Variants in GRM5 observed in about 807,000 individuals in gnomAD.
The protein encoded by GRM5 is glutamate metabotropic receptor 5.
Under a neutral mutation model 83.1 loss-of-function variants are expected in GRM5, and 19 were observed. That is an observed-to-expected ratio of 0.23 (90% CI 0.16 to 0.34). The LOEUF (loss-of-function observed/expected upper bound fraction) is 0.34. GRM5 is among the 10% of genes least tolerant of loss of function. The probability of loss-of-function intolerance (pLI) is 1.00; values close to 1 mark genes in which losing one functional copy is unlikely to be tolerated. For missense variants in GRM5, 1,160 were observed against 1,588.3 expected, an observed-to-expected ratio of 0.73 and a Z score of 4.58; for synonymous variants, 675 against 633.6, an observed-to-expected ratio of 1.07 and a Z score of -0.98.
At chr11:89,049,918 C>T (rs978372660) in intron 1 of GRM5, among the ~76,000 whole-genome samples, 1 of 152,164 alleles carries the variant, frequency 6.6e-6, no homozygotes, top group East Asian at 1.9e-4. Context: ...CATGTGAATT[C>T]TGCTGCAGAC....
chr11:88,798,211 AATCAATGTT>A (rs1943319806), intron 3 of GRM5, among the ~76,000 whole-genome samples: 1 of 152,126 alleles, frequency 6.6e-6, no homozygotes, highest in Non-Finnish European at 1.5e-5. Context: ...CTTTGATTTC[AATCAATGTT>A]ATCATTGGAT....
intron 3 of GRM5, among the ~76,000 whole-genome samples, chr11:88,731,392 A>G (rs1180135956): frequency 6.6e-6 from 1 of 151,998 alleles, no homozygotes; most frequent in African/African-American, 2.4e-5. Context: ...GATTCTTTGG[A>G]TACACCTTAG....
intron 6 of GRM5, 27 bp from the exon 7 acceptor site, chr11:88,590,754 T>A (rs1412601489): frequency 1.3e-6 from 2 of 1,598,894 alleles, no homozygotes; most frequent in Admixed American, 1.7e-5. Flanking sequence ...AAATTTAGAT[T>A]TTTTTTTGCA....
intron 3 of GRM5, among the ~76,000 whole-genome samples, chr11:88,836,031 C>T (rs985739384): frequency 2.7e-4 from 41 of 152,066 alleles, no homozygotes; most frequent in East Asian, 1.5e-3. Context: ...AGCCCTTAAA[C>T]CTCAAGAAGG....
At chr11:88,879,342 C>A (rs1416405007) in intron 2 of GRM5, among the ~76,000 whole-genome samples, 3 of 151,378 alleles carry the variant, frequency 2.0e-5, no homozygotes, top group Non-Finnish European at 4.4e-5. Flanking sequence ...TACTCAACAA[C>A]AAGAAAATAA....
At chr11:88,791,855 T>C (rs959756241) in intron 3 of GRM5, among the ~76,000 whole-genome samples, 2 of 152,176 alleles carry the variant, frequency 1.3e-5, no homozygotes, top group Non-Finnish European at 2.9e-5. Flanking sequence ...CCTTGTATTC[T>C]GTAAATTCAT....
intron 3 of GRM5, among the ~76,000 whole-genome samples, chr11:88,671,135 T>C (rs11020880): frequency 0.019 from 2,826 of 151,516 alleles, 64 homozygotes; most frequent in East Asian, 0.094. Flanking sequence ...AAACCAAAAA[T>C]AACATCTCCA....
chr11:88,716,808 C>G lies in GRM5; in HGVS notation c.912-63405G>C, dbSNP rs947889643. On this transcript the variant is annotated intron_variant, in intron 3 of 9. Coordinates refer to ENST00000305447, the MANE Select transcript of GRM5 (RefSeq NM_001143831.3). ...AAACTTCAGGCTGAGTTGAGAAGTA[C>G]TTACCATTCTCTTTTAACTGTCACT... is the stretch of plus-strand genomic sequence containing the variant. 3.3e-5 allele frequency among the ~76,000 whole-genome samples: 5 copies of G among 151,428 alleles called. No individual in the cohort carries two copies. The East Asian group carries it at 9.7e-4, about 29-fold the overall frequency.
At chr11:88,843,442 T>C (rs1017846639) in intron 3 of GRM5, among the ~76,000 whole-genome samples, 1 of 152,140 alleles carries the variant, frequency 6.6e-6, no homozygotes, top group African/African-American at 2.4e-5. Context: ...TGTAATTGGT[T>C]TGGGGCATCA....
At chr11:88,921,374 A>G (rs1212569367) in intron 2 of GRM5, among the ~76,000 whole-genome samples, 1 of 152,214 alleles carries the variant, frequency 6.6e-6, no homozygotes, top group Non-Finnish European at 1.5e-5. Context: ...CTGTAATCCT[A>G]GCACTTTGGG....
chr11:88,901,029 G>T (rs504183), intron 2 of GRM5, among the ~76,000 whole-genome samples: 96,289 of 151,906 alleles, frequency 0.63, 30,768 homozygotes, highest in South Asian at 0.76. Flanking sequence ...ATAGTAAACA[G>T]AGGCTTAAAA....
intron 3 of GRM5, among the ~76,000 whole-genome samples, chr11:88,794,043 G>A (rs1409353732): frequency 6.6e-6 from 1 of 152,132 alleles, no homozygotes; most frequent in Non-Finnish European, 1.5e-5. Context: ...GGCTGGTCTT[G>A]AATTCCTGGC....
intron 2 of GRM5, among the ~76,000 whole-genome samples, chr11:88,857,709 G>C (rs1014728079): frequency 1.3e-5 from 2 of 152,054 alleles, no homozygotes; most frequent in African/African-American, 4.8e-5. Context: ...TTACTAGACA[G>C]TGTCCTTTAA....
chr11:88,740,479 T>C (rs1001081365), intron 3 of GRM5, among the ~76,000 whole-genome samples: 3 of 152,086 alleles, frequency 2.0e-5, no homozygotes, highest in African/African-American at 7.2e-5. Context: ...GTTCTCAGTA[T>C]TCCACTTGTT....
chr11:89,062,278 G>A (rs1942012160), intron 1 of GRM5, among the ~76,000 whole-genome samples: 1 of 152,174 alleles, frequency 6.6e-6, no homozygotes. Flanking sequence ...CCTAACAAGA[G>A]GTAGCATACC....
At chr11:88,542,431 C>T (rs577971093) in intron 8 of GRM5, among the ~76,000 whole-genome samples, 1 of 152,156 alleles carries the variant, frequency 6.6e-6, no homozygotes, top group Non-Finnish European at 1.5e-5. Flanking sequence ...AGCAAGCATA[C>T]GTAACAGGCA....
intron 8 of GRM5, among the ~76,000 whole-genome samples, chr11:88,538,043 C>T (rs1391283991): frequency 6.7e-6 from 1 of 149,886 alleles, no homozygotes; most frequent in Non-Finnish European, 1.5e-5. Context: ...AACAATTCAA[C>T]ATAAGCTCAA....
At chr11:88,903,364 A>T (rs1945348636) in intron 2 of GRM5, among the ~76,000 whole-genome samples, 1 of 152,200 alleles carries the variant, frequency 6.6e-6, no homozygotes, top group Admixed American at 6.5e-5. Context: ...TAAAAATAGA[A>T]TTACCATTTG....
intron 2 of GRM5, among the ~76,000 whole-genome samples, chr11:88,975,899 G>A (rs1029673795): frequency 6.6e-6 from 1 of 152,140 alleles, no homozygotes; most frequent in African/African-American, 2.4e-5. Flanking sequence ...GATCATAATA[G>A]TGTCCTCCCT....
Sources: allele counts gnomAD v4.1 joint callset (sites outside exome capture counted in the v4.1 genomes callset), GRCh38; gene constraint gnomAD v4.1.1; transcripts MANE v1.5; gene names NCBI Gene and HGNC (gene_info 2026-07-23, HGNC 2026-07-21).